Variants in CLSTN2 observed in about 807,000 individuals in gnomAD.
CLSTN2 encodes calsyntenin-2.
Under a neutral mutation model 101.2 loss-of-function variants are expected in CLSTN2, and 48 were observed. The ratio of observed to expected loss-of-function variants is 0.47; its 90% CI spans 0.38 to 0.60. The LOEUF is 0.60. Ranked by LOEUF, CLSTN2 falls within the 20% of genes least tolerant of loss-of-function variation. The probability of loss-of-function intolerance (pLI) is 0.00; values close to 1 mark genes in which losing one functional copy is unlikely to be tolerated. For synonymous variants in CLSTN2, 481 were observed against 463.6 expected (o/e 1.04, Z -0.48); for missense variants, 1,160 against 1,238.2 (o/e 0.94, Z 0.95).
chr3:140,433,140 GA>G (rs2088652165), intron 5 of CLSTN2, among the ~76,000 whole-genome samples: 1 of 152,170 alleles, frequency 6.6e-6, no homozygotes, highest in Non-Finnish European at 1.5e-5. Context: ...CTATTTGGGG[GA>G]AAGTTCTGAA....
intron 1 of CLSTN2, among the ~76,000 whole-genome samples, chr3:140,042,438 A>G (rs891523783): frequency 6.6e-6 from 1 of 152,034 alleles, no homozygotes; most frequent in Non-Finnish European, 1.5e-5. Flanking sequence ...GTAGTATTTC[A>G]TTGTATGGAT....
intron 5 of CLSTN2, among the ~76,000 whole-genome samples, chr3:140,425,037 A>T (rs936455201): frequency 6.6e-6 from 1 of 152,218 alleles, no homozygotes. Flanking sequence ...CTGACTCCTC[A>T]CAAGCAACTG....
At chr3:140,316,981 G>C (rs1377530055) in intron 2 of CLSTN2, among the ~76,000 whole-genome samples, 1 of 152,094 alleles carries the variant, frequency 6.6e-6, no homozygotes, top group Non-Finnish European at 1.5e-5. Context: ...TGGGGAAATT[G>C]TCTCATTTTA....
intron 1 of CLSTN2, among the ~76,000 whole-genome samples, chr3:140,129,650 G>C (rs2009492513): frequency 6.6e-6 from 1 of 152,112 alleles, no homozygotes; most frequent in Admixed American, 6.6e-5. Context: ...GCAACCCCTT[G>C]GTTCACCCAA....
rs571451366 is a variant in CLSTN2, at chr3:140,419,054, C to G, written c.638-2071C>G. On this transcript the variant is annotated intron_variant, in intron 4 of 16. Transcript: ENST00000458420. Reference sequence around the variant, plus strand: ...TTTTTTAAAAAAAAAATCTTTCAAGCATTATTTGACTTTTCTAATTTTCCA... The same window carrying G: ...TTTTTTAAAAAAAAAATCTTTCAAGGATTATTTGACTTTTCTAATTTTCCA... Among the ~76,000 whole-genome samples the G allele has an allele frequency of 2.0e-5, 3 of 151,696 alleles. No homozygotes were observed. The East Asian group carries it at 5.8e-4, about 30-fold the overall frequency.
At chr3:140,082,065 A>G (rs1232629366) in intron 1 of CLSTN2, among the ~76,000 whole-genome samples, 2 of 152,166 alleles carry the variant, frequency 1.3e-5, no homozygotes, top group East Asian at 3.9e-4. Context: ...AAAACACCTT[A>G]AATGGAGCAG....
chr3:140,260,023 C>T lies in CLSTN2; in HGVS notation c.232+83950C>T, dbSNP rs540918717. Among the ~76,000 whole-genome samples, 313 of 151,842 alleles carry T rather than the reference C, an allele frequency of 2.1e-3. 1 individual carries two copies. The highest frequency in any genetic ancestry group is 6.7e-3 in the African/African-American group (279 of 41,412). On this transcript the variant is annotated intron_variant, in intron 2 of 16. Transcript: ENST00000458420. The stretch of plus-strand genomic sequence containing the variant: ...TTGAAAAACTTTCTGGTACTATGCT[C>T]ACTACCTGGGTGATGAAATCAGTTG...
intron 2 of CLSTN2, among the ~76,000 whole-genome samples, chr3:140,380,988 C>G (rs1312784017): frequency 6.6e-6 from 1 of 152,228 alleles, no homozygotes; most frequent in African/African-American, 2.4e-5. Flanking sequence ...GTACCAAACA[C>G]TGGGTGGCTT....
chr3:139,978,170 T>C (rs1184041793), intron 1 of CLSTN2, among the ~76,000 whole-genome samples: 1 of 152,202 alleles, frequency 6.6e-6, no homozygotes, highest in Non-Finnish European at 1.5e-5. Context: ...CTCTCTGCAA[T>C]AGTTCAAAAA....
At chr3:140,212,982 T>C (rs1440972139) in intron 2 of CLSTN2, among the ~76,000 whole-genome samples, 4 of 152,224 alleles carry the variant, frequency 2.6e-5, no homozygotes, top group Non-Finnish European at 5.9e-5. Flanking sequence ...ACAGAGTGTC[T>C]GATTCCCAGG....
chr3:140,334,508 C>T (rs550424400), intron 2 of CLSTN2, among the ~76,000 whole-genome samples: 1 of 152,344 alleles, frequency 6.6e-6, no homozygotes, highest in Admixed American at 6.5e-5. Flanking sequence ...TGCTCTGTGC[C>T]AGGCCCTGGA....
intron 8 of CLSTN2, among the ~76,000 whole-genome samples, chr3:140,488,400 C>G (rs1444716501): frequency 6.6e-6 from 1 of 151,996 alleles, no homozygotes; most frequent in East Asian, 1.9e-4. Context: ...CCTTAGTATC[C>G]TCATTTGTAA....
intron 8 of CLSTN2, among the ~76,000 whole-genome samples, chr3:140,477,967 C>A (rs575368588): frequency 6.6e-6 from 1 of 152,272 alleles, no homozygotes; most frequent in South Asian, 2.1e-4. Context: ...CTTTCAAGAC[C>A]ATACTCAGGG....
chr3:140,152,314 C>T (rs1227787659), intron 1 of CLSTN2, among the ~76,000 whole-genome samples: 6 of 151,968 alleles, frequency 3.9e-5, no homozygotes, highest in Admixed American at 1.3e-4. Flanking sequence ...TCTCCTTTCT[C>T]GTTTCCCATG....
At chr3:140,181,613 A>C (rs1016987203) in intron 2 of CLSTN2, among the ~76,000 whole-genome samples, 1 of 152,152 alleles carries the variant, frequency 6.6e-6, no homozygotes, top group Non-Finnish European at 1.5e-5. Flanking sequence ...GTTAAGAATA[A>C]ATTTTCTTAC....
chr3:140,252,249 G>A (rs1172711316), intron 2 of CLSTN2, among the ~76,000 whole-genome samples: 2 of 152,186 alleles, frequency 1.3e-5, no homozygotes, highest in Non-Finnish European at 2.9e-5. Flanking sequence ...GACCAGAAGG[G>A]TCAGGGTAGG....
At chr3:140,140,287 C>A (rs1010079206) in intron 1 of CLSTN2, among the ~76,000 whole-genome samples, 1 of 152,236 alleles carries the variant, frequency 6.6e-6, no homozygotes, top group African/African-American at 2.4e-5. Context: ...TATTTTGGCT[C>A]ACAGTTCTGC....
At chr3:140,493,477 T>C (rs541946254) in intron 8 of CLSTN2, among the ~76,000 whole-genome samples, 6 of 152,224 alleles carry the variant, frequency 3.9e-5, no homozygotes, top group Admixed American at 3.3e-4. Flanking sequence ...CTAAGGGCAA[T>C]GTGACAAGTT....
intron 1 of CLSTN2, among the ~76,000 whole-genome samples, chr3:140,043,933 T>C (rs1325388296): frequency 6.6e-6 from 1 of 152,224 alleles, no homozygotes; most frequent in African/African-American, 2.4e-5. Context: ...TATAGCCTTG[T>C]AGTGTAGTTT....
Sources: gnomAD v4.1 joint callset for allele counts (sites outside exome capture counted in the v4.1 genomes callset) on GRCh38, gnomAD v4.1.1 for gene constraint, MANE v1.5 for transcripts, NCBI Gene and HGNC (gene_info 2026-07-23, HGNC 2026-07-21) for gene names.